Variants in FHOD3 observed in about 807,000 individuals in gnomAD.
FHOD3 encodes FH1/FH2 domain-containing protein 3.
A neutral mutation model predicts 173.0 loss-of-function variants in FHOD3; 90 were observed. The observed-to-expected ratio is 0.52, with a 90% CI of 0.44 to 0.62. The LOEUF (loss-of-function observed/expected upper bound fraction) is 0.62. FHOD3 is among the 20% of genes least tolerant of loss of function. FHOD3 has a pLI of 0.00. For synonymous variants in FHOD3, 828 were observed against 823.0 expected (o/e 1.01, Z -0.10); for missense variants, 1,945 against 2,034.7 (o/e 0.96, Z 0.85).
At chr18:36,409,852 A>G (rs1279444111) in intron 3 of FHOD3, among the ~76,000 whole-genome samples, 1 of 152,026 alleles carries the variant, frequency 6.6e-6, no homozygotes, top group African/African-American at 2.4e-5. Flanking sequence ...TCCACTCTTA[A>G]CCGTCCCTTC....
At chr18:36,676,352 T>C (rs932881892) in intron 14 of FHOD3, among the ~76,000 whole-genome samples, 1 of 152,238 alleles carries the variant, frequency 6.6e-6, no homozygotes, top group African/African-American at 2.4e-5. Context: ...CCTATGTTCA[T>C]ATCATTCTAG....
rs541828581 is a variant in FHOD3 at position 36,659,529 on chromosome 18, A to G, written c.1835+1341A>G. 7.2e-5 allele frequency among the ~76,000 whole-genome samples: 11 copies of G among 152,358 alleles called. No homozygotes were observed. The South Asian group carries it at 1.4e-3, about 20-fold the overall frequency. On this transcript the variant is annotated intron_variant, in intron 14 of 28. Transcript: ENST00000590592. ...GGCCAAAGTGAGTAATATTGGAGTC[A>G]GACTGATACGACGTTGCACATCTTG... is the stretch of plus-strand genomic sequence containing the variant.
In FHOD3 at chr18:36,779,911, A is replaced by C. The variant is rs891230261; in HGVS notation, c.*381A>C. ...CACAGACTGAGTCTCCACAACACCA[A>C]AATATCCAGATGTAAACCCCAAACT... On this transcript the variant is annotated 3_prime_UTR_variant, in exon 29 of 29. Coordinates refer to ENST00000590592, the MANE Select transcript of FHOD3 (RefSeq NM_001281740.3). 1 of 425,416 alleles carries C rather than the reference A, an allele frequency of 2.4e-6. No individual in the cohort carries two copies. The highest frequency in any genetic ancestry group is 2.0e-5 in the African/African-American group (1 of 49,718). 26.4% of individuals were successfully genotyped at this position (425,416 alleles called of 1,614,324 possible).
At chr18:36,662,509 T>C (rs542998487) in intron 14 of FHOD3, among the ~76,000 whole-genome samples, 3 of 152,370 alleles carry the variant, frequency 2.0e-5, no homozygotes, top group Admixed American at 6.5e-5. Flanking sequence ...TTACTATAAA[T>C]GACACTGACA....
chr18:36,612,969 CCTTT>C (rs568385899), intron 9 of FHOD3, among the ~76,000 whole-genome samples: 194 of 152,246 alleles, frequency 1.3e-3, no homozygotes, highest in African/African-American at 4.6e-3. Context: ...CCTATCTTTT[CCTTT>C]CTTTATGTTG....
At chr18:36,483,156 A>G (rs1012709292) in intron 3 of FHOD3, among the ~76,000 whole-genome samples, 1 of 152,102 alleles carries the variant, frequency 6.6e-6, no homozygotes, top group African/African-American at 2.4e-5. Context: ...ATTTTGCCAG[A>G]TGGTTTGACC....
intron 1 of FHOD3, among the ~76,000 whole-genome samples, chr18:36,316,549 A>G (rs2044133199): frequency 6.6e-6 from 1 of 152,180 alleles, no homozygotes. Flanking sequence ...TTGATTGGTC[A>G]TTATTGATTG....
At chr18:36,579,943 G>GAA (rs371900955) in intron 6 of FHOD3, among the ~76,000 whole-genome samples, 5 of 141,964 alleles carry the variant, frequency 3.5e-5, no homozygotes, top group African/African-American at 1.0e-4. Flanking sequence ...GAGCAGCAGA[G>GAA]AAAAAAAAAA....
chr18:36,470,931 C>T (rs1169412359), intron 3 of FHOD3, among the ~76,000 whole-genome samples: 4 of 152,196 alleles, frequency 2.6e-5, no homozygotes, highest in Non-Finnish European at 5.9e-5. Context: ...GGGGTCTTTG[C>T]TCCCAGCTGA....
chr18:36,348,294 A>G (rs2045960221), intron 1 of FHOD3, among the ~76,000 whole-genome samples: 1 of 152,218 alleles, frequency 6.6e-6, no homozygotes, highest in Admixed American at 6.5e-5. Flanking sequence ...GCTGTATTGC[A>G]ACTGACCAAA....
At chr18:36,305,110 A>G (rs1023875191) in intron 1 of FHOD3, among the ~76,000 whole-genome samples, 1 of 152,240 alleles carries the variant, frequency 6.6e-6, no homozygotes, top group Non-Finnish European at 1.5e-5. Flanking sequence ...TTAAAGAGGG[A>G]GGAAGATCAA....
At chr18:36,765,557 A>C (rs2043105286) in intron 27 of FHOD3, among the ~76,000 whole-genome samples, 1 of 152,242 alleles carries the variant, frequency 6.6e-6, no homozygotes, top group African/African-American at 2.4e-5. Context: ...TGAAATGACC[A>C]TTATAAATGT....
In FHOD3 at chr18:36,501,994, T is replaced by C; in HGVS notation, c.400T>C (p.Phe134Leu). 1 of 1,602,138 alleles carries C rather than the reference T, an allele frequency of 6.2e-7. No individual in the cohort carries two copies. Residue 134 changes from phenylalanine to leucine, a missense_variant, in exon 4 of 29, where the codon TTT (phenylalanine) becomes CTT (leucine). Transcript: ENST00000590592. ...GGCCCTCTTCTCCCTGAAGCAGATA[T>C]TTCAGGTAAATAGGAAAAAAATAAG... is the stretch of plus-strand genomic sequence containing the variant. Reference protein sequence around the residue: ...RRALFSLKQIFQDDKDLVHEF... With the variant: ...RRALFSLKQILQDDKDLVHEF...
intron 9 of FHOD3, among the ~76,000 whole-genome samples, chr18:36,613,052 T>A (rs1302083422): frequency 6.6e-6 from 1 of 152,222 alleles, no homozygotes; most frequent in Non-Finnish European, 1.5e-5. Context: ...AGAGGCTCCA[T>A]GGGTTGTCTT....
At chr18:36,490,491 G>A (rs1406174826) in intron 3 of FHOD3, among the ~76,000 whole-genome samples, 3 of 152,160 alleles carry the variant, frequency 2.0e-5, no homozygotes, top group Admixed American at 6.5e-5. Flanking sequence ...GTGGAACTGG[G>A]TGGGGCTCAG....
chr18:36,438,243 G>A (rs1409471278), intron 3 of FHOD3, among the ~76,000 whole-genome samples: 4 of 152,174 alleles, frequency 2.6e-5, no homozygotes, highest in Non-Finnish European at 5.9e-5. Context: ...TGAGGAGCCA[G>A]CAGGCCCCTC....
At chr18:36,631,598 T>A (rs2034519576) in intron 10 of FHOD3, among the ~76,000 whole-genome samples, 1 of 152,104 alleles carries the variant, frequency 6.6e-6, no homozygotes, top group South Asian at 2.1e-4. Flanking sequence ...CAAACTCCAT[T>A]TTTGCTATTA....
intron 1 of FHOD3, among the ~76,000 whole-genome samples, chr18:36,300,072 C>G (rs556056840): frequency 2.0e-5 from 3 of 152,234 alleles, no homozygotes; most frequent in African/African-American, 7.2e-5. Context: ...TAGTGTATGC[C>G]CCACCCAGGC....
At chr18:36,705,597 G>A (rs2149627835) in intron 17 of FHOD3, among the ~76,000 whole-genome samples, 1 of 152,314 alleles carries the variant, frequency 6.6e-6, no homozygotes, top group South Asian at 2.1e-4. Context: ...TATCACGGCA[G>A]GTTGTTCAGG....
Sources: gnomAD v4.1 joint callset for allele counts (sites outside exome capture counted in the v4.1 genomes callset) on GRCh38, gnomAD v4.1.1 for gene constraint, MANE v1.5 for transcripts, NCBI Gene and HGNC (gene_info 2026-07-23, HGNC 2026-07-21) for gene names.